Variants in NKAIN2 observed in about 807,000 individuals in gnomAD.
NKAIN2 encodes sodium/potassium-transporting ATPase subunit beta-1-interacting protein 2.
Under a neutral mutation model 32.6 loss-of-function variants are expected in NKAIN2, and 14 were observed. That is an observed-to-expected ratio of 0.43 (90% confidence interval 0.28 to 0.67). NKAIN2 has a LOEUF of 0.67. Among genes scored for constraint, NKAIN2 ranks in the 30% least tolerant of loss-of-function variants. NKAIN2 has a pLI of 0.17. For missense variants in NKAIN2, 198 were observed against 258.3 expected, an observed-to-expected ratio of 0.77 and a Z score of 1.60; for synonymous variants, 80 against 87.2, an observed-to-expected ratio of 0.92 and a Z score of 0.46.
Position 124,730,975 on chromosome 6 carries a change from G to A in NKAIN2, c.475-60364G>A, listed in dbSNP as rs1338199117. Among the ~76,000 whole-genome samples the A allele has an allele frequency of 2.2e-5, 3 of 137,938 alleles. No individual in the cohort carries two copies. The East Asian group carries it at 6.6e-4, about 30-fold the overall frequency. The allele number at this position is 137,938 out of a possible 152,430, so 90.5% of individuals were successfully genotyped here. On this transcript the variant is annotated intron_variant, in intron 4 of 6. Coordinates refer to ENST00000368417, the MANE Select transcript of NKAIN2 (RefSeq NM_001040214.3). ...ACATGAAAAAATGCTCATCATCACT[G>A]GCCATCAGAGAAATGCAAATCAAAA...
intron 1 of NKAIN2, among the ~76,000 whole-genome samples, chr6:123,840,966 T>C (rs910626280): frequency 6.6e-6 from 1 of 152,120 alleles, no homozygotes; most frequent in Non-Finnish European, 1.5e-5. Context: ...TTATTACTTT[T>C]CTTTCTATTT....
intron 3 of NKAIN2, among the ~76,000 whole-genome samples, chr6:124,653,992 G>T (rs1784453979): frequency 6.6e-6 from 1 of 152,000 alleles, no homozygotes; most frequent in Admixed American, 6.6e-5. Flanking sequence ...TGCAAATTTT[G>T]TAATATTCAT....
At chr6:124,629,238 T>C (rs1360746044) in intron 3 of NKAIN2, among the ~76,000 whole-genome samples, 16 of 152,306 alleles carry the variant, frequency 1.1e-4, no homozygotes, top group Non-Finnish European at 1.5e-5. Context: ...ATAATTATCC[T>C]GCAGAGGTGA....
At chr6:124,143,713 A>T (rs930459448) in intron 1 of NKAIN2, among the ~76,000 whole-genome samples, 13 of 152,190 alleles carry the variant, frequency 8.5e-5, no homozygotes, top group African/African-American at 1.4e-4. Context: ...GTAATGAATT[A>T]TATGTAGATT....
At chr6:124,810,387 A>G (rs1780835455) in intron 5 of NKAIN2, among the ~76,000 whole-genome samples, 2 of 152,168 alleles carry the variant, frequency 1.3e-5, no homozygotes, top group African/African-American at 2.4e-5. Flanking sequence ...ACAAGAACAA[A>G]AAACCAAACA....
At chr6:124,065,851 CAT>C (rs1457346234) in intron 1 of NKAIN2, among the ~76,000 whole-genome samples, 3 of 152,106 alleles carry the variant, frequency 2.0e-5, no homozygotes, top group East Asian at 1.9e-4. Context: ...AAATACCAAA[CAT>C]GTAATTAAAA....
chr6:123,908,689 C>G (rs1192738045), intron 1 of NKAIN2, among the ~76,000 whole-genome samples: 1 of 152,172 alleles, frequency 6.6e-6, no homozygotes, highest in Non-Finnish European at 1.5e-5. Flanking sequence ...GGAGTTCCCA[C>G]TTACGTACTG....
At chr6:124,195,044 T>A (rs1299675922) in intron 1 of NKAIN2, among the ~76,000 whole-genome samples, 3 of 151,674 alleles carry the variant, frequency 2.0e-5, no homozygotes, top group Non-Finnish European at 2.9e-5. Context: ...AAATGCAATT[T>A]TTTTATTTTT....
chr6:124,379,146 G>A (rs1800129270), intron 3 of NKAIN2, among the ~76,000 whole-genome samples: 1 of 44,482 alleles, frequency 2.2e-5, no homozygotes, highest in African/African-American at 8.6e-5. Context: ...GGGAGGGGAG[G>A]GAGGGAGGGA....
In NKAIN2 at chr6:124,317,883, A is replaced by T. The variant is rs141486218; in HGVS notation, c.192+34741A>T. 1.1e-4 allele frequency among the ~76,000 whole-genome samples: 17 copies of T among 152,112 alleles called. No individual in the cohort carries two copies. In the East Asian group the frequency reaches 3.1e-3, roughly 28 times the overall value. On this transcript the variant is annotated intron_variant, in intron 2 of 6. Coordinates refer to ENST00000368417, the MANE Select transcript of NKAIN2 (RefSeq NM_001040214.3). ...TCCACCAAATATGCCTAATTTGTAG[A>T]CCCATTTGTTGTAATACTTGTAAAT...
intron 1 of NKAIN2, among the ~76,000 whole-genome samples, chr6:123,818,398 CACAG>C (rs1441999395): frequency 4.3e-5 from 6 of 138,578 alleles, no homozygotes; most frequent in Admixed American, 7.4e-5. Flanking sequence ...CACACACACA[CACAG>C]AGGAATCATA....
intron 1 of NKAIN2, among the ~76,000 whole-genome samples, chr6:124,042,055 A>G (rs535759242): frequency 7.9e-5 from 12 of 152,206 alleles, no homozygotes; most frequent in African/African-American, 2.9e-4. Flanking sequence ...TCACCATCTG[A>G]ATGTCTGAGA....
chr6:124,457,700 A>G (rs144258106), intron 3 of NKAIN2, among the ~76,000 whole-genome samples: 1 of 151,978 alleles, frequency 6.6e-6, no homozygotes, highest in East Asian at 1.9e-4. Context: ...CCCATTTCCA[A>G]CAATTACACT....
chr6:124,500,337 CT>C (rs1178926568), intron 3 of NKAIN2, among the ~76,000 whole-genome samples: 8 of 150,888 alleles, frequency 5.3e-5, no homozygotes, highest in East Asian at 3.9e-4. Flanking sequence ...GATGACAACC[CT>C]TTTTTTTTAA....
intron 2 of NKAIN2, among the ~76,000 whole-genome samples, chr6:124,310,806 TG>T (rs1204773131): frequency 1.3e-5 from 2 of 152,122 alleles, no homozygotes; most frequent in Non-Finnish European, 2.9e-5. Flanking sequence ...TCCCAGGCCC[TG>T]AAAGCTAGAA....
intron 3 of NKAIN2, among the ~76,000 whole-genome samples, chr6:124,501,132 G>A (rs1375843510): frequency 1.3e-5 from 2 of 152,162 alleles, no homozygotes; most frequent in South Asian, 4.1e-4. Flanking sequence ...GGAGTCATGG[G>A]AGTCAGAGAG....
chr6:124,759,233 G>T (rs898831641), intron 4 of NKAIN2, among the ~76,000 whole-genome samples: 1 of 152,110 alleles, frequency 6.6e-6, no homozygotes, highest in South Asian at 2.1e-4. Flanking sequence ...TAATCAAGTA[G>T]ACAGCATATG....
intron 1 of NKAIN2, among the ~76,000 whole-genome samples, chr6:124,053,101 CTT>C (rs1167742442): frequency 6.6e-6 from 1 of 151,860 alleles, no homozygotes; most frequent in East Asian, 1.9e-4. Context: ...TATATTTTAA[CTT>C]ATATTTTAAT....
rs538390787 is a variant in NKAIN2 at position 123,943,296 on chromosome 6, A to T, written c.54+139042A>T. Reference sequence around the variant, plus strand: ...CTATTATTCTTTCCTCAAATACTTGAATATTGGGACAGATATATACAGCTT... The same window carrying T: ...CTATTATTCTTTCCTCAAATACTTGTATATTGGGACAGATATATACAGCTT... On this transcript the variant is annotated intron_variant, in intron 1 of 6. Transcript: ENST00000368417. Among the ~76,000 whole-genome samples the T allele has an allele frequency of 9.2e-5, 14 of 152,170 alleles. No homozygotes were observed. In the South Asian group the frequency reaches 2.9e-3, roughly 32 times the overall value.
Sources: gnomAD v4.1 joint callset for allele counts (sites outside exome capture counted in the v4.1 genomes callset) on GRCh38, gnomAD v4.1.1 for gene constraint, MANE v1.5 for transcripts, NCBI Gene and HGNC (gene_info 2026-07-23, HGNC 2026-07-21) for gene names.